The following ALG1 variants were observed in gnomAD, a reference collection of about 807,000 sequenced individuals.
The protein encoded by ALG1 is ALG1 chitobiosyldiphosphodolichol beta-mannosyltransferase.
In ALG1, 58 loss-of-function variants were observed where a neutral mutation model predicts 55.1. The observed-to-expected ratio is 1.05, with a 90% CI of 0.85 to 1.31. The LOEUF is 1.31. Ranked by LOEUF, ALG1 falls within the 50% of genes most tolerant of loss-of-function variation. ALG1 has a pLI of 0.00. For missense variants in ALG1, 761 were observed against 598.6 expected, an observed-to-expected ratio of 1.27 and a Z score of -2.83; for synonymous variants, 309 against 247.0, an observed-to-expected ratio of 1.25 and a Z score of -2.35.
chr16:5,073,090 T>G, intron 2 of ALG1, 62 bp downstream of exon 2: 3 of 1,612,394 alleles, frequency 1.9e-6, no homozygotes, highest in Non-Finnish European at 2.5e-6. Flanking sequence ...GGGTGTTCGT[T>G]TGAAAAGCCG....
chr16:5,071,879 G>A lies in ALG1; in HGVS notation c.30G>A (p.Ala10=). The change falls in exon 1 of 13, where the codon GCG becomes GCA. Residue 10 remains alanine (A), a synonymous_variant. Coordinates refer to ENST00000262374, the MANE Select transcript of ALG1 (RefSeq NM_019109.5). ...CGGCCTCATGCTTGGTCCTGCTGGC[G>A]CTGTGTCTGCTGCTGCCGCTGCTGC... The part of the protein sequence containing the change: MAASCLVLL[A]LCLLLPLLLL... 6.2e-7 allele frequency: 1 copy of A among 1,602,860 alleles called. No individual in the cohort carries two copies. Among genetic ancestry groups the A allele is most frequent in the Non-Finnish European group, 8.5e-7 (1 of 1,177,074 alleles).
intron 9 of ALG1, among the ~76,000 whole-genome samples, chr16:5,080,616 C>T (rs536404596): frequency 2.2e-4 from 34 of 152,312 alleles, no homozygotes; most frequent in Non-Finnish European, 2.9e-4. Flanking sequence ...GAGGAGTCCT[C>T]GTGTCCCCTG....
rs2142722591 is a variant in ALG1 at position 5,081,182 on chromosome 16, G to A, written c.1072+126G>A. On this transcript the variant is annotated intron_variant, in intron 10 of 12. Coordinates refer to ENST00000262374, the MANE Select transcript of ALG1 (RefSeq NM_019109.5). ...GACCTGGGCTCTGGCTGAACTCCCAGGAGGAGGCTACTTCCTGGTGTGCCA... is the reference window on the plus strand; with the variant it reads ...GACCTGGGCTCTGGCTGAACTCCCAAGAGGAGGCTACTTCCTGGTGTGCCA... 2.5e-6 allele frequency: 3 copies of A among 1,186,914 alleles called. No homozygotes were observed. The East Asian group carries it at 7.7e-5, about 31-fold the overall frequency. 73.5% of individuals were successfully genotyped at this position (1,186,914 alleles called of 1,614,324 possible). A position where few individuals can be genotyped will look rare whatever the true frequency, so the allele number is the denominator to read the frequency against.
chr16:5,075,643 C>A, intron 4 of ALG1, 107 bp downstream of exon 4: 1 of 1,408,198 alleles, frequency 7.1e-7, no homozygotes, highest in Non-Finnish European at 9.9e-7. Context: ...GTGGGCTCTG[C>A]AGGAGGTGGG....
chr16:5,073,423 T>C (rs1956854676), intron 3 of ALG1, 167 bp downstream of exon 3: 1 of 672,114 alleles, frequency 1.5e-6, no homozygotes. Flanking sequence ...CACCTATCCA[T>C]GCTCTCTGTG....
intron 11 of ALG1, among the ~76,000 whole-genome samples, chr16:5,083,297 G>A (rs1957048339): frequency 6.6e-6 from 1 of 152,158 alleles, no homozygotes; most frequent in African/African-American, 2.4e-5. Flanking sequence ...AGGGAATGTC[G>A]GGATCAAACC....
chr16:5,077,761 A>G lies in ALG1; in HGVS notation c.630-146A>G, dbSNP rs1956939610. On this transcript the variant is annotated intron_variant, in intron 5 of 12. Transcript: ENST00000262374. The stretch of plus-strand genomic sequence containing the variant: ...TTGGTCCTAGGACGTCTCTCTGTGC[A>G]TTCCCAAGTAATTGCAAGGCTTCTT... The G allele has an allele frequency of 4.4e-5, 46 of 1,057,020 alleles. 1 individual carries two copies. The South Asian group carries it at 5.6e-4, about 13-fold the overall frequency. The allele number at this position is 1,057,020 out of a possible 1,614,324, so 65.5% of individuals were successfully genotyped here.
chr16:5,078,277 T>C (rs1482413047), intron 6 of ALG1: 4 of 675,320 alleles, frequency 5.9e-6, no homozygotes, highest in Admixed American at 4.1e-5. Context: ...GCCTGAAGTA[T>C]TTACTCTCTG....
chr16:5,076,417 C>T (rs1362980261), intron 4 of ALG1, among the ~76,000 whole-genome samples: 2 of 152,222 alleles, frequency 1.3e-5, no homozygotes, highest in Non-Finnish European at 2.9e-5. Context: ...GTATTTTACC[C>T]TGTTCAATCT....
chr16:5,082,279 C>G (rs939500227), intron 10 of ALG1, among the ~76,000 whole-genome samples: 1 of 152,198 alleles, frequency 6.6e-6, no homozygotes, highest in Non-Finnish European at 1.5e-5. Flanking sequence ...TGCCACTGCA[C>G]TCCAGCCTGG....
rs200506666 is a variant in ALG1 at position 5,075,396 on chromosome 16, A to C, written c.399A>C (p.Pro133=). Residue 133 remains proline, a synonymous_variant, in exon 4 of 13, where the codon CCA becomes CCC. Transcript: ENST00000262374. The stretch of plus-strand genomic sequence containing the variant: ...GTCTCTATCTTTCCTAGAACCCCCC[A>C]GGTCTGCCTAGCATTGCTGTCTGCT... ...PGAYIFLQNP[P]GLPSIAVCWF... is the part of the protein sequence containing the mutation. 1.9e-5 allele frequency: 30 copies of C among 1,613,994 alleles called. No homozygotes were observed. Among genetic ancestry groups the C allele is most frequent in the Admixed American group, 1.3e-4 (8 of 59,986 alleles).
At chr16:5,078,661 C>T (rs2142715351) in intron 6 of ALG1, 96 bp from the exon 7 acceptor site, 1 of 1,609,868 alleles carries the variant, frequency 6.2e-7, no homozygotes, top group Admixed American at 1.7e-5. Context: ...ACCCCAACCT[C>T]TGGGAGCCTG....
At chr16:5,083,428 G>A (rs937716747) in intron 11 of ALG1, among the ~76,000 whole-genome samples, 19 of 152,184 alleles carry the variant, frequency 1.2e-4, no homozygotes, top group Admixed American at 9.2e-4. Context: ...TCCTTGAAGA[G>A]CATCCAGCAC....
At chr16:5,082,903 A>C (rs1285506800) in intron 11 of ALG1, among the ~76,000 whole-genome samples, 3 of 152,220 alleles carry the variant, frequency 2.0e-5, no homozygotes, top group Non-Finnish European at 4.4e-5. Flanking sequence ...AAAAGTAATC[A>C]TGGTTTTTGC....
At chr16:5,083,836 C>T in intron 12 of ALG1, 79 bp downstream of exon 12, 1 of 1,591,712 alleles carries the variant, frequency 6.3e-7, no homozygotes, top group South Asian at 1.1e-5. Flanking sequence ...ATCCCTGCTT[C>T]CCACAGCCAG....
chr16:5,084,451 C>T (rs1042367984), intron 12 of ALG1: 22 of 555,042 alleles, frequency 4.0e-5, no homozygotes, highest in Non-Finnish European at 6.5e-5. Flanking sequence ...GGTGAGACTG[C>T]GTTGGCCAGA....
rs532548218 is a variant in ALG1, at chr16:5,086,754, C to T, written c.*1873C>T. ...GGCACAATCTCAGCTCACTGCAACG[C>T]CTCCCAGGTTCAAGTGATTCTCCTG... is the stretch of plus-strand genomic sequence containing the variant. On this transcript the variant is annotated 3_prime_UTR_variant, in exon 13 of 13. Transcript: ENST00000262374. 2.0e-5 allele frequency: 3 copies of T among 152,336 alleles called. No individual in the cohort carries two copies. The highest frequency in any genetic ancestry group is 3.9e-4 in the East Asian group (2 of 5,178). The allele number at this position is 152,336 out of a possible 1,614,324, so 9.4% of individuals were successfully genotyped here. A position where few individuals can be genotyped will look rare whatever the true frequency, so the allele number is the denominator to read the frequency against.
chr16:5,075,847 G>T (rs1040853474), intron 4 of ALG1, among the ~76,000 whole-genome samples: 3 of 152,208 alleles, frequency 2.0e-5, no homozygotes, highest in Non-Finnish European at 4.4e-5. Flanking sequence ...AACTCTCCTA[G>T]CTCTTGTCCT....
At position 5,078,868 on chromosome 16, in the gene ALG1, G is replaced by A. The variant is rs537211066; in HGVS notation, c.852G>A (p.Thr284=). 1.6e-5 allele frequency: 25 copies of A among 1,611,484 alleles called. No individual in the cohort carries two copies. In the South Asian group the frequency reaches 2.1e-4, roughly 13 times the overall value. Residue 284 remains threonine, a synonymous_variant, in exon 7 of 13, where the codon ACG becomes ACA. Transcript: ENST00000262374. ...GGCCAGCCCTGCTGGTCAGCAGCAC[G>A]AGCTGGACAGGTCTGCAGGACCCCT... ...RERPALLVSS[T]SWTEDEDFSI... is the part of the protein sequence containing the mutation.
Sources: allele counts gnomAD v4.1 joint callset (sites outside exome capture counted in the v4.1 genomes callset), GRCh38; gene constraint gnomAD v4.1.1; transcripts MANE v1.5; gene names NCBI Gene and HGNC (gene_info 2026-07-23, HGNC 2026-07-21).